Variants in BTAF1 observed in about 807,000 individuals in gnomAD.
BTAF1 encodes B-TFIID TATA-box binding protein associated factor 1.
BTAF1 carries 38 observed loss-of-function variants against 227.1 expected under a neutral mutation model. The ratio of observed to expected loss-of-function variants is 0.17; its 90% CI spans 0.13 to 0.22. The LOEUF is 0.22. BTAF1 is among the 10% of genes least tolerant of loss of function. The probability of loss-of-function intolerance (pLI) is 1.00; values close to 1 mark genes in which losing one functional copy is unlikely to be tolerated. For synonymous variants in BTAF1, 742 were observed against 751.9 expected, an observed-to-expected ratio of 0.99 and a Z score of 0.21; for missense variants, 1,598 against 2,204.0, an observed-to-expected ratio of 0.73 and a Z score of 5.51.
chr10:91,959,960 T>G lies in BTAF1; in HGVS notation c.1087-18T>G, dbSNP rs1170604582. The G allele has an allele frequency of 1.9e-6, 3 of 1,602,030 alleles. No individual in the cohort carries two copies. The African/African-American group carries it at 4.0e-5, about 22-fold the overall frequency. The stretch of plus-strand genomic sequence containing the variant: ...ACGTTTTTTGCAAATATGAGTTTTC[T>G]TCCTTTTTCGTCTGTAGGTTGTGGC... On this transcript the variant is annotated intron_variant, in intron 10 of 37. Transcript: ENST00000265990.
intron 4 of BTAF1, among the ~76,000 whole-genome samples, chr10:91,947,381 G>A (rs1163337098): frequency 3.3e-5 from 5 of 151,486 alleles, no homozygotes; most frequent in South Asian, 2.1e-4. Flanking sequence ...AGTTTTTTTT[G>A]TATATGTTTT....
intron 5 of BTAF1, among the ~76,000 whole-genome samples, chr10:91,952,261 C>G (rs1175343313): frequency 6.6e-6 from 1 of 152,076 alleles, no homozygotes; most frequent in Non-Finnish European, 1.5e-5. Context: ...AGATTGACCG[C>G]ATTCTTTTTG....
intron 13 of BTAF1, among the ~76,000 whole-genome samples, 196 bp from the exon 14 acceptor site, chr10:91,966,441 C>T (rs1846917998): frequency 6.6e-6 from 1 of 152,184 alleles, no homozygotes; most frequent in South Asian, 2.1e-4. Flanking sequence ...TCTGGCTCTT[C>T]TGTTGCTACG....
chr10:91,997,182 T>G (rs1849199882), intron 24 of BTAF1: 1 of 1,276,954 alleles, frequency 7.8e-7, no homozygotes, highest in Non-Finnish European at 1.0e-6. Flanking sequence ...AGGCTCACTA[T>G]ATCCTGCTGG....
chr10:92,023,058 T>A (rs572149561), intron 34 of BTAF1, among the ~76,000 whole-genome samples: 1 of 152,318 alleles, frequency 6.6e-6, no homozygotes, highest in East Asian at 1.9e-4. Context: ...TGGGGGCTGG[T>A]CACATATACT....
chr10:92,025,831 A>G (rs865974348), intron 35 of BTAF1, among the ~76,000 whole-genome samples: 3 of 150,998 alleles, frequency 2.0e-5, no homozygotes, highest in Non-Finnish European at 3.0e-5. Flanking sequence ...AAAAAAAAAA[A>G]ACAAGCATCC....
At position 92,008,040 on chromosome 10, in the gene BTAF1, G is replaced by T. The variant is rs1711842; in HGVS notation, c.3661-83G>T. On this transcript the variant is annotated intron_variant, in intron 25 of 37. Coordinates refer to ENST00000265990, the MANE Select transcript of BTAF1 (RefSeq NM_003972.3). ...TACAATTTTCAGAATTCTTTTTTCT[G>T]TGTGTTTGTTTTGTGTTTATTTGAT... is the stretch of plus-strand genomic sequence containing the variant. 1.0e-5 allele frequency: 13 copies of T among 1,238,332 alleles called. No individual in the cohort carries two copies. In the East Asian group the frequency reaches 3.1e-4, roughly 30 times the overall value. 76.7% of individuals were successfully genotyped at this position (1,238,332 alleles called of 1,614,324 possible).
At chr10:91,964,587 G>C (rs1846747748) in intron 13 of BTAF1, among the ~76,000 whole-genome samples, 1 of 152,010 alleles carries the variant, frequency 6.6e-6, no homozygotes, top group Admixed American at 6.6e-5. Context: ...TCTAAAACTT[G>C]CCCCTCTGTG....
At chr10:92,002,237 C>G (rs149385978) in intron 25 of BTAF1, among the ~76,000 whole-genome samples, 1 of 152,236 alleles carries the variant, frequency 6.6e-6, no homozygotes, top group African/African-American at 2.4e-5. Context: ...AAGTTCATTC[C>G]TGTTCCTCTT....
chr10:91,927,991 T>C (rs994794957), intron 1 of BTAF1, among the ~76,000 whole-genome samples: 1 of 150,998 alleles, frequency 6.6e-6, no homozygotes, highest in African/African-American at 2.4e-5. Context: ...TTTTTTTTTT[T>C]TTTTTTTTGC....
chr10:92,011,298 T>G lies in BTAF1; in HGVS notation c.4194T>G (p.Phe1398Leu). Residue 1398 changes from phenylalanine (F) to leucine (L), a missense_variant, in exon 30 of 38, where the codon TTT becomes TTG. Around this residue, in one of 10 missense-constraint regions of BTAF1, gnomAD observed 184 missense variants for 341.1 expected, o/e 0.54. Coordinates refer to ENST00000265990, the MANE Select transcript of BTAF1 (RefSeq NM_003972.3). ...NDIDFFRNIKFNYCILDEGHV... is the reference protein window; with the variant it reads ...NDIDFFRNIKLNYCILDEGHV... ...TATTCTCCCTTAGAAATATTAAATT[T>G]AACTACTGCATTCTTGATGAAGGCC... is the stretch of plus-strand genomic sequence containing the variant. The G allele has an allele frequency of 6.6e-7, 1 of 1,506,332 alleles. No individual in the cohort carries two copies. Among genetic ancestry groups the G allele is most frequent in the South Asian group, 1.3e-5 (1 of 75,914 alleles). 93.3% of individuals were successfully genotyped at this position (1,506,332 alleles called of 1,614,324 possible). A position where few individuals can be genotyped will look rare whatever the true frequency, so the allele number is the denominator to read the frequency against.
chr10:91,942,965 A>G (rs1203212261), intron 4 of BTAF1, among the ~76,000 whole-genome samples: 1 of 152,148 alleles, frequency 6.6e-6, no homozygotes, highest in African/African-American at 2.4e-5. Context: ...TGTTTTTATC[A>G]CATATTTCTG....
At chr10:91,943,081 A>C (rs1020496071) in intron 4 of BTAF1, among the ~76,000 whole-genome samples, 1 of 152,200 alleles carries the variant, frequency 6.6e-6, no homozygotes, top group Non-Finnish European at 1.5e-5. Flanking sequence ...TGAGAGGCCA[A>C]GGTGGGTGGA....
intron 6 of BTAF1, among the ~76,000 whole-genome samples, chr10:91,954,471 G>C (rs1168185539): frequency 6.6e-6 from 1 of 152,036 alleles, no homozygotes; most frequent in Non-Finnish European, 1.5e-5. Flanking sequence ...TCTATGCATG[G>C]CTTGGAGCAG....
chr10:92,010,540 G>T (rs1564715326), intron 28 of BTAF1, among the ~76,000 whole-genome samples: 1 of 152,174 alleles, frequency 6.6e-6, no homozygotes, highest in Non-Finnish European at 1.5e-5. Context: ...TGGTAGATAA[G>T]ATGACAATGG....
intron 32 of BTAF1, 24 bp from the exon 33 acceptor site, chr10:92,016,316 T>G (rs1850721477): frequency 6.3e-7 from 1 of 1,578,436 alleles, no homozygotes. Context: ...ACTTAAAGCT[T>G]CTCCCACGGG....
chr10:92,018,839 A>G lies in BTAF1; in HGVS notation c.4767A>G (p.Gln1589=), dbSNP rs1358370045. The change falls in exon 34 of 38, where the codon CAA becomes CAG. Residue 1589 remains glutamine, a synonymous_variant. Transcript: ENST00000265990. ...CNHPALVLTP[Q]HPEFKTTAEK... ...ATCCAGCATTAGTCTTAACACCTCA[A>G]CATCCAGAATTCAAGACCACTGCCG... The G allele has an allele frequency of 5.6e-6, 9 of 1,611,020 alleles. No individual in the cohort carries two copies. The highest frequency in any genetic ancestry group is 2.7e-5 in the African/African-American group (2 of 74,918).
Position 92,013,890 on chromosome 10 carries a change from T to C in BTAF1, c.4454-9T>C. ...TTTTTGAAGCCATTTTCTCTTTAAC[T>C]ATTAACAGGTGTTCTTGCTATGGAT... On this transcript the variant is annotated splice_polypyrimidine_tract_variant and intron_variant, in intron 31 of 37. Transcript: ENST00000265990. 6.2e-7 allele frequency: 1 copy of C among 1,613,240 alleles called. No individual in the cohort carries two copies. The highest frequency in any genetic ancestry group is 8.5e-7 in the Non-Finnish European group (1 of 1,179,810).
Position 92,001,302 on chromosome 10 carries a change from CAG to C in BTAF1, c.3660+3552_3660+3553del, listed in dbSNP as rs1460312738. Among the ~76,000 whole-genome samples, 6 of 152,286 alleles carry C rather than the reference CAG, an allele frequency of 3.9e-5. No individual in the cohort carries two copies. The East Asian group carries it at 1.2e-3, about 29-fold the overall frequency. ...ACAGAGAGAAAGCTCCAGAGGTCCA[CAG>C]GGGGGTTCTCCCAAGCCTTTGGCTG... On this transcript the variant is annotated intron_variant, in intron 25 of 37. Transcript: ENST00000265990.
Sources: gnomAD v4.1 joint callset for allele counts (sites outside exome capture counted in the v4.1 genomes callset) on GRCh38, gnomAD v4.1.1 for gene constraint, gnomAD v4.1.1 regional missense constraint, MANE v1.5 for transcripts, NCBI Gene and HGNC (gene_info 2026-07-23, HGNC 2026-07-21) for gene names.